Variants in CHST11 observed in about 807,000 individuals in gnomAD.
CHST11 encodes the protein carbohydrate sulfotransferase 11.
Under a neutral mutation model 30.4 loss-of-function variants are expected in CHST11, and 9 were observed. The ratio of observed to expected loss-of-function variants is 0.30; its 90% CI spans 0.18 to 0.52. The LOEUF is 0.52. Ranked by LOEUF, CHST11 falls within the 20% of genes least tolerant of loss-of-function variation. CHST11 has a pLI of 0.97. For missense variants in CHST11, 348 were observed against 460.6 expected (o/e 0.76, Z 2.24); for synonymous variants, 152 against 187.8 (o/e 0.81, Z 1.56).
chr12:104,474,063 A>G (rs889127022), intron 1 of CHST11, among the ~76,000 whole-genome samples: 1 of 152,200 alleles, frequency 6.6e-6, no homozygotes, highest in African/African-American at 2.4e-5. Context: ...GCAAGCTAAA[A>G]GGGTTTCTGG....
At chr12:104,474,508 G>GT (rs1250645617) in intron 1 of CHST11, among the ~76,000 whole-genome samples, 1 of 152,178 alleles carries the variant, frequency 6.6e-6, no homozygotes, top group African/African-American at 2.4e-5. Context: ...TGCTGACTTT[G>GT]TTTCCTGTGC....
intron 1 of CHST11, among the ~76,000 whole-genome samples, chr12:104,531,087 C>A (rs1843296551): frequency 6.6e-6 from 1 of 152,198 alleles, no homozygotes; most frequent in Non-Finnish European, 1.5e-5. Flanking sequence ...TTCCCTTCTC[C>A]TTTCTAAAAT....
intron 1 of CHST11, among the ~76,000 whole-genome samples, chr12:104,514,998 C>T (rs1006813345): frequency 2.0e-5 from 3 of 152,104 alleles, no homozygotes; most frequent in African/African-American, 7.2e-5. Context: ...TGAAAGGACT[C>T]TGGGTCGTTT....
At chr12:104,653,089 G>A (rs537506936) in intron 2 of CHST11, among the ~76,000 whole-genome samples, 14 of 152,202 alleles carry the variant, frequency 9.2e-5, no homozygotes, top group African/African-American at 2.9e-4. Context: ...GCAACAGCTC[G>A]CCAGAGCTGC....
intron 1 of CHST11, among the ~76,000 whole-genome samples, chr12:104,596,335 G>A (rs993339610): frequency 1.3e-5 from 2 of 152,200 alleles, no homozygotes; most frequent in Admixed American, 6.5e-5. Flanking sequence ...TAGCAAGTCC[G>A]GAGATTTGGA....
chr12:104,464,392 G>A (rs2037438705), intron 1 of CHST11, among the ~76,000 whole-genome samples: 1 of 151,952 alleles, frequency 6.6e-6, no homozygotes, highest in Admixed American at 6.6e-5. Flanking sequence ...CTCATCTTTG[G>A]GCAGCCGGTA....
At chr12:104,746,373 T>A (rs1253452269) in intron 2 of CHST11, among the ~76,000 whole-genome samples, 1 of 152,246 alleles carries the variant, frequency 6.6e-6, no homozygotes, top group Non-Finnish European at 1.5e-5. Flanking sequence ...CAGCAAATCC[T>A]GGGCTTTCCT....
chr12:104,533,313 C>T (rs893375040), intron 1 of CHST11, among the ~76,000 whole-genome samples: 2 of 152,178 alleles, frequency 1.3e-5, no homozygotes, highest in African/African-American at 2.4e-5. Context: ...GTAATGAACT[C>T]GTAAACATGA....
chr12:104,550,995 G>C (rs772881760), intron 1 of CHST11, among the ~76,000 whole-genome samples: 1 of 152,010 alleles, frequency 6.6e-6, no homozygotes, highest in Non-Finnish European at 1.5e-5. Context: ...TGGATAAAGA[G>C]GAAAATAAGG....
intron 1 of CHST11, among the ~76,000 whole-genome samples, chr12:104,592,313 C>T (rs2038867107): frequency 6.6e-6 from 1 of 152,152 alleles, no homozygotes; most frequent in Non-Finnish European, 1.5e-5. Flanking sequence ...TTATACACAA[C>T]AGAAATTTAT....
chr12:104,657,479 T>C (rs986905092), intron 2 of CHST11, among the ~76,000 whole-genome samples: 1 of 152,064 alleles, frequency 6.6e-6, no homozygotes, highest in African/African-American at 2.4e-5. Context: ...GAATGGAGAA[T>C]TGATCTGGGA....
chr12:104,655,293 A>G (rs549035113), intron 2 of CHST11, among the ~76,000 whole-genome samples: 13 of 152,320 alleles, frequency 8.5e-5, no homozygotes, highest in African/African-American at 2.4e-4. Context: ...GCGGGCAGGT[A>G]TTTTCCACTT....
At chr12:104,506,970 G>T (rs1592736326) in intron 1 of CHST11, among the ~76,000 whole-genome samples, 1 of 152,158 alleles carries the variant, frequency 6.6e-6, no homozygotes, top group East Asian at 1.9e-4. Context: ...AGAGGCAGGT[G>T]CTGGAGACAT....
At chr12:104,486,909 C>CAATTCAGCA (rs1223610912) in intron 1 of CHST11, among the ~76,000 whole-genome samples, 14 of 152,172 alleles carry the variant, frequency 9.2e-5, no homozygotes, top group Non-Finnish European at 1.3e-4. Flanking sequence ...CATAATAGTC[C>CAATTCAGCA]AATTCAGCAA....
chr12:104,698,466 C>T (rs977690890), intron 2 of CHST11, among the ~76,000 whole-genome samples: 1 of 152,166 alleles, frequency 6.6e-6, no homozygotes, highest in Admixed American at 6.5e-5. Context: ...TGTCTGCTTC[C>T]GTAGAGTTAT....
intron 2 of CHST11, among the ~76,000 whole-genome samples, chr12:104,694,955 C>T (rs973882608): frequency 2.6e-5 from 4 of 152,104 alleles, no homozygotes; most frequent in African/African-American, 9.7e-5. Context: ...TGAGGGGGTT[C>T]CCACCGGACC....
intron 1 of CHST11, among the ~76,000 whole-genome samples, chr12:104,520,870 G>A (rs1458382660): frequency 6.6e-6 from 1 of 152,204 alleles, no homozygotes; most frequent in Non-Finnish European, 1.5e-5. Context: ...GACCCTGGAG[G>A]CTTGTGGTCC....
chr12:104,476,533 A>G (rs941091730), intron 1 of CHST11, among the ~76,000 whole-genome samples: 1 of 152,016 alleles, frequency 6.6e-6, no homozygotes, highest in Non-Finnish European at 1.5e-5. Context: ...CCTTTGTTGA[A>G]TATTTTTGAG....
chr12:104,609,224 A>G (rs570327390), intron 2 of CHST11, among the ~76,000 whole-genome samples: 1 of 152,356 alleles, frequency 6.6e-6, no homozygotes, highest in African/African-American at 2.4e-5. Context: ...TCTTTGACTC[A>G]GCATCTGTCT....
Sources: allele counts gnomAD v4.1 joint callset (sites outside exome capture counted in the v4.1 genomes callset), GRCh38; gene constraint gnomAD v4.1.1; transcripts MANE v1.5; gene names NCBI Gene and HGNC (gene_info 2026-07-23, HGNC 2026-07-21).